The following DSCAML1 variants were observed in gnomAD, a reference collection of about 807,000 sequenced individuals.
DSCAML1 encodes the protein DS cell adhesion molecule like 1.
Under a neutral mutation model 200.5 loss-of-function variants are expected in DSCAML1, and 38 were observed. That is an observed-to-expected ratio of 0.19 (90% CI 0.15 to 0.25). The LOEUF (loss-of-function observed/expected upper bound fraction) is 0.25, where lower values mean the gene tolerates loss of function less well. Among genes scored for constraint, DSCAML1 ranks in the 10% least tolerant of loss-of-function variants. The pLI is 1.00. For missense variants in DSCAML1, 2,223 were observed against 2,858.8 expected, an observed-to-expected ratio of 0.78 and a Z score of 5.07; for synonymous variants, 1,215 against 1,165.0, an observed-to-expected ratio of 1.04 and a Z score of -0.87.
intron 3 of DSCAML1, among the ~76,000 whole-genome samples, chr11:117,535,645 C>T (rs1019296276): frequency 3.3e-5 from 5 of 152,160 alleles, no homozygotes; most frequent in African/African-American, 1.2e-4. Context: ...CAAAGTCAAA[C>T]GCGGAAGCTC....
At chr11:117,781,616 G>C (rs2055264507) in intron 1 of DSCAML1, among the ~76,000 whole-genome samples, 1 of 152,184 alleles carries the variant, frequency 6.6e-6, no homozygotes. Context: ...AGAGTGGGTG[G>C]ATAAGATCTA....
At chr11:117,714,139 T>A (rs2053904657) in intron 3 of DSCAML1, among the ~76,000 whole-genome samples, 1 of 152,230 alleles carries the variant, frequency 6.6e-6, no homozygotes, top group Non-Finnish European at 1.5e-5. Context: ...AGTTAATGCA[T>A]CTAAGTTGCT....
At chr11:117,718,265 T>G (rs1451901927) in intron 3 of DSCAML1, among the ~76,000 whole-genome samples, 4 of 152,094 alleles carry the variant, frequency 2.6e-5, no homozygotes, top group African/African-American at 7.2e-5. Flanking sequence ...AGCCTGAGGA[T>G]GGCAGGGCTG....
intron 3 of DSCAML1, among the ~76,000 whole-genome samples, chr11:117,648,450 T>C (rs998798101): frequency 6.6e-6 from 1 of 152,198 alleles, no homozygotes; most frequent in Admixed American, 6.5e-5. Context: ...CCAAGTTCAA[T>C]TCCTTGTGTG....
chr11:117,708,939 C>T (rs1319477100), intron 3 of DSCAML1, among the ~76,000 whole-genome samples: 1 of 152,226 alleles, frequency 6.6e-6, no homozygotes, highest in Non-Finnish European at 1.5e-5. Flanking sequence ...GAGTCAGAGC[C>T]TGTCAGAGCT....
intron 2 of DSCAML1, 147 bp from the exon 3 acceptor site, chr11:117,777,084 C>T: frequency 1.2e-6 from 1 of 808,390 alleles, no homozygotes; most frequent in Non-Finnish European, 1.9e-6. Context: ...GCTTAGCCAG[C>T]CTAGAAGCCC....
At position 117,570,803 on chromosome 11, in the gene DSCAML1, G is replaced by A. The variant is rs1057503177; in HGVS notation, c.512-38281C>T. ...ACTGAGGGTCATGACCCTTCACAGG[G>A]GTGGGAGTGGGAGGTCCAGCTAAGA... is the stretch of plus-strand genomic sequence containing the variant. On this transcript the variant is annotated intron_variant, in intron 3 of 32. Transcript: ENST00000651296. 3.3e-5 allele frequency among the ~76,000 whole-genome samples: 5 copies of A among 152,238 alleles called. No individual in the cohort carries two copies. In the East Asian group the frequency reaches 7.7e-4, roughly 23 times the overall value.
At chr11:117,751,592 C>T (rs1317730568) in intron 3 of DSCAML1, among the ~76,000 whole-genome samples, 3 of 152,132 alleles carry the variant, frequency 2.0e-5, no homozygotes, top group South Asian at 4.2e-4. Flanking sequence ...AAGCCTTGGG[C>T]GAGCAGAGGA....
intron 3 of DSCAML1, among the ~76,000 whole-genome samples, chr11:117,629,169 A>G (rs1416443077): frequency 6.6e-6 from 1 of 152,070 alleles, no homozygotes; most frequent in Non-Finnish European, 1.5e-5. Flanking sequence ...AAGATGAAGA[A>G]GCTCTACTTC....
At chr11:117,486,286 GAAAATGGCAGATGT>G (rs2049054265) in intron 11 of DSCAML1, among the ~76,000 whole-genome samples, 3 of 150,758 alleles carry the variant, frequency 2.0e-5, no homozygotes, top group African/African-American at 7.3e-5. Context: ...TGGCGGATGT[GAAAATGGCAGATGT>G]GAAAGTAGTG....
At chr11:117,577,376 ATTTC>A (rs2050950327) in intron 3 of DSCAML1, among the ~76,000 whole-genome samples, 1 of 149,060 alleles carries the variant, frequency 6.7e-6, no homozygotes, top group Admixed American at 6.8e-5. Flanking sequence ...GCCAAGTAAG[ATTTC>A]CTTCCTTCCT....
intron 3 of DSCAML1, among the ~76,000 whole-genome samples, chr11:117,761,361 GC>G (rs1196417797): frequency 6.6e-6 from 1 of 152,230 alleles, no homozygotes; most frequent in African/African-American, 2.4e-5. Context: ...ACTGAGGCCT[GC>G]CTTTTGTGTT....
At chr11:117,550,800 T>G (rs985651266) in intron 3 of DSCAML1, among the ~76,000 whole-genome samples, 3 of 152,172 alleles carry the variant, frequency 2.0e-5, no homozygotes, top group Admixed American at 6.5e-5. Flanking sequence ...CAAAACTGTT[T>G]CCAAATTAAC....
chr11:117,729,666 A>G (rs1247408662), intron 3 of DSCAML1, among the ~76,000 whole-genome samples: 1 of 152,226 alleles, frequency 6.6e-6, no homozygotes, highest in African/African-American at 2.4e-5. Context: ...AAAGATGCTC[A>G]ACAACATTAG....
intron 4 of DSCAML1, among the ~76,000 whole-genome samples, chr11:117,525,461 CTT>C (rs979956454): frequency 6.2e-5 from 9 of 144,096 alleles, no homozygotes; most frequent in African/African-American, 5.1e-5. Flanking sequence ...TCCCTGGCTT[CTT>C]TTTTTTTTTT....
intron 1 of DSCAML1, among the ~76,000 whole-genome samples, chr11:117,790,013 C>G (rs532246654): frequency 1.3e-5 from 2 of 152,282 alleles, no homozygotes; most frequent in African/African-American, 4.8e-5. Context: ...AAGACTTTTA[C>G]CCAAGGTGAT....
At chr11:117,443,807 C>T in intron 21 of DSCAML1, 79 bp downstream of exon 21, 1 of 1,501,266 alleles carries the variant, frequency 6.7e-7, no homozygotes, top group Non-Finnish European at 8.9e-7. Context: ...AGGCAGAGAC[C>T]CTGTCTGGGG....
intron 3 of DSCAML1, among the ~76,000 whole-genome samples, chr11:117,534,217 A>G (rs2050128128): frequency 6.6e-6 from 1 of 152,222 alleles, no homozygotes; most frequent in Non-Finnish European, 1.5e-5. Context: ...TCCCTCCACC[A>G]TCCCAAGCAC....
At chr11:117,432,663 CTTAA>C (rs1231312463) in intron 29 of DSCAML1, among the ~76,000 whole-genome samples, 159 bp from the exon 30 acceptor site, 1 of 152,080 alleles carries the variant, frequency 6.6e-6, no homozygotes, top group Non-Finnish European at 1.5e-5. Context: ...GTTGCCCAGG[CTTAA>C]TTGTGATCAC....
Sources: gnomAD v4.1 joint callset for allele counts (sites outside exome capture counted in the v4.1 genomes callset) on GRCh38, gnomAD v4.1.1 for gene constraint, MANE v1.5 for transcripts, NCBI Gene and HGNC (gene_info 2026-07-23, HGNC 2026-07-21) for gene names.